The following HMGCLL1 variants were observed in gnomAD, a reference collection of about 807,000 sequenced individuals.
The protein encoded by HMGCLL1 is 3-hydroxy-3-methylglutaryl-CoA lyase like 1.
A neutral mutation model predicts 39.1 loss-of-function variants in HMGCLL1; 36 were observed. The ratio of observed to expected loss-of-function variants is 0.92; its 90% CI spans 0.71 to 1.22. HMGCLL1 has a LOEUF of 1.22. Among genes scored for constraint, HMGCLL1 ranks in the 50% most tolerant of loss-of-function variants. The pLI, the probability that HMGCLL1 is intolerant of heterozygous loss-of-function variation, is 0.00. For synonymous variants in HMGCLL1, 149 were observed against 144.0 expected, an observed-to-expected ratio of 1.03 and a Z score of -0.25; for missense variants, 451 against 416.5, an observed-to-expected ratio of 1.08 and a Z score of -0.72.
the HMGCLL1 span, among the ~76,000 whole-genome samples, chr6:55,649,173 G>A: frequency 6.6e-6 from 1 of 152,054 alleles, no homozygotes; most frequent in Non-Finnish European, 1.5e-5. Flanking sequence ...ACTATTACCA[G>A]TGAGTTTTGT....
the HMGCLL1 span, among the ~76,000 whole-genome samples, chr6:55,621,733 G>C: frequency 6.6e-6 from 1 of 151,958 alleles, no homozygotes; most frequent in South Asian, 2.1e-4. Context: ...CACAATAAAT[G>C]TACTGTTCTT....
intron 5 of HMGCLL1, among the ~76,000 whole-genome samples, chr6:55,506,865 A>C (rs4626423): frequency 0.68 from 102,266 of 151,438 alleles, 34,564 homozygotes; most frequent in Non-Finnish European, 0.7. Context: ...TGTATGATGA[A>C]GTTGCTAACA....
chr6:55,640,447 ATT>A, the HMGCLL1 span, among the ~76,000 whole-genome samples: 1 of 152,036 alleles, frequency 6.6e-6, no homozygotes, highest in Non-Finnish European at 1.5e-5. Flanking sequence ...ATACAGCATC[ATT>A]CTTTTATTAA....
At chr6:55,670,249 A>G in the HMGCLL1 span, among the ~76,000 whole-genome samples, 1 of 151,942 alleles carries the variant, frequency 6.6e-6, no homozygotes, top group South Asian at 2.1e-4. Flanking sequence ...CTATCTCCAA[A>G]AAAAATATCC....
At chr6:55,586,649 G>GT in the HMGCLL1 span, among the ~76,000 whole-genome samples, 2 of 151,536 alleles carry the variant, frequency 1.3e-5, no homozygotes, top group African/African-American at 4.9e-5. Flanking sequence ...ACGGTGTTTG[G>GT]TTTTTTGTCC....
chr6:55,671,233 T>C, the HMGCLL1 span, among the ~76,000 whole-genome samples: 13 of 151,904 alleles, frequency 8.6e-5, 1 homozygote, highest in East Asian at 1.6e-3. Context: ...AATGTTTCAA[T>C]TGTGTTGAGT....
intron 7 of HMGCLL1, among the ~76,000 whole-genome samples, chr6:55,483,211 G>C (rs73449217): frequency 0.2 from 30,899 of 151,972 alleles, 3,161 homozygotes; most frequent in African/African-American, 0.26. Flanking sequence ...ATGTAGTTTT[G>C]AACAAATTTA....
intron 3 of HMGCLL1, among the ~76,000 whole-genome samples, chr6:55,532,148 A>T (rs944865787): frequency 6.6e-6 from 1 of 152,164 alleles, no homozygotes; most frequent in African/African-American, 2.4e-5. Flanking sequence ...ATCTAAGAAC[A>T]AAGAAAACCC....
the HMGCLL1 span, among the ~76,000 whole-genome samples, chr6:55,655,910 C>G: frequency 6.6e-6 from 1 of 151,900 alleles, no homozygotes; most frequent in Non-Finnish European, 1.5e-5. Flanking sequence ...TAATGTTCTC[C>G]TAGTTACACA....
rs756662188 is a variant in HMGCLL1 at position 55,514,001 on chromosome 6, T to C, written c.542+47A>G. 1.9e-6 allele frequency: 3 copies of C among 1,549,722 alleles called. No homozygotes were observed. The Admixed American group carries it at 5.5e-5, about 29-fold the overall frequency. ...CTCTAGATAATTTTTGAGTAAGCTTTAACAATAAACATTAACAAAACAGAA... is the reference window on the plus strand; with the variant it reads ...CTCTAGATAATTTTTGAGTAAGCTTCAACAATAAACATTAACAAAACAGAA... On this transcript the variant is annotated intron_variant, in intron 5 of 8. Coordinates refer to ENST00000274901, the MANE Select transcript of HMGCLL1 (RefSeq NM_001042406.2).
At chr6:55,649,119 C>A in the HMGCLL1 span, among the ~76,000 whole-genome samples, 1 of 152,078 alleles carries the variant, frequency 6.6e-6, no homozygotes, top group Non-Finnish European at 1.5e-5. Context: ...AGTTTACACA[C>A]CACAATTACA....
Position 55,450,988 on chromosome 6 carries a change from C to A in HMGCLL1, c.796-11429G>T, listed in dbSNP as rs530454626. On this transcript the variant is annotated intron_variant, in intron 7 of 8. Transcript: ENST00000274901. ...TTGAGTTCATTGGCTGAGAGTCATA[C>A]AAAGAGTTCATCTCATTTCTAGCTC... is the stretch of plus-strand genomic sequence containing the variant. Among the ~76,000 whole-genome samples the A allele has an allele frequency of 7.3e-4, 111 of 152,230 alleles. 3 individuals carry two copies. In the South Asian group the frequency reaches 0.022, roughly 30 times the overall value.
the HMGCLL1 span, among the ~76,000 whole-genome samples, chr6:55,652,312 C>T: frequency 6.6e-5 from 10 of 151,834 alleles, no homozygotes; most frequent in Non-Finnish European, 1.5e-4. Context: ...TGTTGTCATA[C>T]CACTATTAGT....
the HMGCLL1 span, among the ~76,000 whole-genome samples, chr6:55,649,936 T>G: frequency 6.6e-6 from 1 of 150,868 alleles, no homozygotes; most frequent in East Asian, 2.0e-4. Context: ...CTTGATTGTT[T>G]TTAATTACTT....
chr6:55,436,725 T>C (rs760247859), intron 8 of HMGCLL1, among the ~76,000 whole-genome samples: 1 of 152,040 alleles, frequency 6.6e-6, no homozygotes, highest in Non-Finnish European at 1.5e-5. Flanking sequence ...TAAAAACTCA[T>C]AGGGGCTTTT....
intron 7 of HMGCLL1, among the ~76,000 whole-genome samples, chr6:55,474,681 T>G (rs1765207280): frequency 6.6e-6 from 1 of 151,496 alleles, no homozygotes; most frequent in African/African-American, 2.4e-5. Flanking sequence ...TTCATCTGCC[T>G]TTGATTTGTT....
chr6:55,479,285 C>T lies in HMGCLL1; in HGVS notation c.795+16134G>A, dbSNP rs1262296158. Among the ~76,000 whole-genome samples the T allele has an allele frequency of 2.0e-5, 3 of 151,508 alleles. No individual in the cohort carries two copies. In the East Asian group the frequency reaches 5.8e-4, roughly 29 times the overall value. ...CTAGTATCTGCTGAGAACAATTTTG[C>T]CAGTCCTGTTTTCTTAACCACAACA... On this transcript the variant is annotated intron_variant, in intron 7 of 8. Coordinates refer to ENST00000274901, the MANE Select transcript of HMGCLL1 (RefSeq NM_001042406.2).
rs192457882 is a variant in HMGCLL1, at chr6:55,468,014, T to C, written c.795+27405A>G. 4.6e-4 allele frequency among the ~76,000 whole-genome samples: 70 copies of C among 152,068 alleles called. 1 individual carries two copies. Among genetic ancestry groups the C allele is most frequent in the Middle Eastern group, 3.4e-3 (1 of 294 alleles). Reference sequence around the variant, plus strand: ...GAGGTAAATAAAGTGAAGTGGACCATACAGAATGCCTGTGTGAAGGCCCCC... The same window carrying C: ...GAGGTAAATAAAGTGAAGTGGACCACACAGAATGCCTGTGTGAAGGCCCCC... On this transcript the variant is annotated intron_variant, in intron 7 of 8. Transcript: ENST00000274901.
chr6:55,581,194 A>G (rs1013140863), upstream of HMGCLL1, among the ~76,000 whole-genome samples: 2 of 151,890 alleles, frequency 1.3e-5, no homozygotes, highest in Non-Finnish European at 1.5e-5. Flanking sequence ...ACATTTAGGG[A>G]AAAAAAAATT....
Sources: allele counts gnomAD v4.1 joint callset (sites outside exome capture counted in the v4.1 genomes callset), GRCh38; gene constraint gnomAD v4.1.1; transcripts MANE v1.5; gene names NCBI Gene and HGNC (gene_info 2026-07-23, HGNC 2026-07-21).